METTL22: variants seen among roughly 807,000 people sequenced by gnomAD.
METTL22 encodes methyltransferase 22, Kin17 lysine.
METTL22 carries 51 observed loss-of-function variants against 48.4 expected under a neutral mutation model. The observed-to-expected ratio is 1.05, with a 90% CI of 0.84 to 1.33. The LOEUF (loss-of-function observed/expected upper bound fraction) is 1.33, where lower values mean the gene tolerates loss of function less well. Ranked by LOEUF, METTL22 falls within the 40% of genes most tolerant of loss-of-function variation. METTL22 has a pLI of 0.00. For missense variants in METTL22, 678 were observed against 526.9 expected, an observed-to-expected ratio of 1.29 and a Z score of -2.81; for synonymous variants, 255 against 214.1, an observed-to-expected ratio of 1.19 and a Z score of -1.67.
In METTL22 at chr16:8,642,410, T is replaced by C. The variant is rs1028583652; in HGVS notation, c.908-53T>C. ...GTGCGGATTGCTCTGAAAAGTCGAT[T>C]TCTGTAATATTTGCGTGTTTTCCTC... is the stretch of plus-strand genomic sequence containing the variant. On this transcript the variant is annotated intron_variant, in intron 8 of 10. Coordinates refer to ENST00000381920, the MANE Select transcript of METTL22 (RefSeq NM_024109.4). 5.8e-6 allele frequency: 9 copies of C among 1,554,770 alleles called. No homozygotes were observed. In the African/African-American group the frequency reaches 1.2e-4, roughly 21 times the overall value.
the METTL22 span, among the ~76,000 whole-genome samples, chr16:8,662,307 G>C: frequency 1.4e-5 from 2 of 145,586 alleles, no homozygotes; most frequent in East Asian, 4.0e-4. Flanking sequence ...CTTTCCATTG[G>C]AAACCCAGAG....
At chr16:8,633,147 G>A (rs910653399) in intron 3 of METTL22, among the ~76,000 whole-genome samples, 1 of 152,102 alleles carries the variant, frequency 6.6e-6, no homozygotes, top group Non-Finnish European at 1.5e-5. Context: ...GGGGTCTGTA[G>A]ACCACAGACA....
chr16:8,650,673 A>T (rs951942501), downstream of METTL22, among the ~76,000 whole-genome samples: 1 of 152,244 alleles, frequency 6.6e-6, no homozygotes, highest in Admixed American at 6.5e-5. Flanking sequence ...ATAATTACAC[A>T]TTCTGTGTAT....
At chr16:8,626,943 AT>A (rs1363682458) in intron 2 of METTL22, among the ~76,000 whole-genome samples, 1 of 150,880 alleles carries the variant, frequency 6.6e-6, no homozygotes, top group Non-Finnish European at 1.5e-5. Context: ...ATTTTTTTGT[AT>A]TTTTGGTAGA....
intron 3 of METTL22, chr16:8,632,217 C>G (rs1158670415): frequency 6.6e-6 from 1 of 152,220 alleles, no homozygotes; most frequent in African/African-American, 2.4e-5. Flanking sequence ...GCATCCGCTT[C>G]TTCCTTTGAT....
Position 8,628,763 on chromosome 16 carries a change from A to G in METTL22, c.167A>G (p.Gln56Arg). The change falls in exon 3 of 11, where the codon CAA becomes CGA. Residue 56 changes from glutamine to arginine, a missense_variant. Transcript: ENST00000381920. The part of the protein sequence containing the change: ...FLSQFKLLWS[Q>R]DSWTDSGAKG... ...TCCCAATTCAAGCTTCTATGGAGCCAAGACTCTTGGACAGATTCAGGAGCC... is the reference window on the plus strand; with the variant it reads ...TCCCAATTCAAGCTTCTATGGAGCCGAGACTCTTGGACAGATTCAGGAGCC... 3 of 1,614,050 alleles carry G rather than the reference A, an allele frequency of 1.9e-6. No individual in the cohort carries two copies. The highest frequency in any genetic ancestry group is 2.5e-6 in the Non-Finnish European group (3 of 1,179,872).
In METTL22 at chr16:8,627,680, C is replaced by G. The variant is rs76156130; in HGVS notation, c.134-1050C>G. Among the ~76,000 whole-genome samples, 624 of 152,226 alleles carry G rather than the reference C, an allele frequency of 4.1e-3. 5 individuals carry two copies. Among genetic ancestry groups the G allele is most frequent in the African/African-American group, 0.014 (596 of 41,518 alleles). On this transcript the variant is annotated intron_variant, in intron 2 of 10. Coordinates refer to ENST00000381920, the MANE Select transcript of METTL22 (RefSeq NM_024109.4). ...CCCAGTCATTAACGTGTTTTTACAG[C>G]TGTTTTTGTGCTATAACGGCAGAGT... is the stretch of plus-strand genomic sequence containing the variant.
chr16:8,639,836 G>C (rs1370060387), intron 6 of METTL22, among the ~76,000 whole-genome samples: 1 of 151,986 alleles, frequency 6.6e-6, no homozygotes, highest in African/African-American at 2.4e-5. Flanking sequence ...GTGGTTTACT[G>C]TTGCTTGTCT....
chr16:8,641,485 A>C, intron 7 of METTL22: 1 of 557,836 alleles, frequency 1.8e-6, no homozygotes, highest in Admixed American at 2.2e-5. Flanking sequence ...GGTACACAGC[A>C]GGGTAGGGGC....
chr16:8,643,088 C>T (rs1182905778), intron 9 of METTL22, among the ~76,000 whole-genome samples: 1 of 152,224 alleles, frequency 6.6e-6, no homozygotes, highest in Non-Finnish European at 1.5e-5. Flanking sequence ...TACACACATT[C>T]TCCTGTAATA....
Position 8,644,641 on chromosome 16 carries a change from C to CA in METTL22, c.1095_1096insA (p.Ala366SerfsTer54). On this transcript the variant is annotated frameshift_variant, in exon 10 of 11. Coordinates refer to ENST00000381920, the MANE Select transcript of METTL22 (RefSeq NM_024109.4). LOFTEE classifies it high-confidence loss of function. ...CCTGCCTGCACGCGCTGGAGCAGCT[C>CA]GCAGATGGCAAGCTGCGCTTCGTGG... 6.2e-7 allele frequency: 1 copy of CA among 1,607,508 alleles called. No individual in the cohort carries two copies. Among genetic ancestry groups the CA allele is most frequent in the South Asian group, 1.1e-5 (1 of 89,644 alleles).
chr16:8,641,829 G>C (rs895448407), intron 7 of METTL22: 3 of 520,716 alleles, frequency 5.8e-6, no homozygotes, highest in African/African-American at 1.9e-5. Context: ...CAGGCAGAAG[G>C]GGGAGATCAT....
At chr16:8,630,586 TC>T (rs1289515081) in intron 3 of METTL22, among the ~76,000 whole-genome samples, 4 of 152,026 alleles carry the variant, frequency 2.6e-5, no homozygotes, top group Non-Finnish European at 5.9e-5. Context: ...GTTATTAGCC[TC>T]CCCAAGCTGG....
In METTL22 at chr16:8,644,577, A is replaced by G. The variant is rs1436684002; in HGVS notation, c.1031A>G (p.His344Arg). ...TGCAGGCTCAACTTCACATTGAGAC[A>G]CTTGGACGTCACATGTGAAGCCTAC... ...VEKRLNFTLR[H>R]LDVTCEAYDH... The change falls in exon 10 of 11, where the codon CAC becomes CGC. Residue 344 changes from histidine (H) to arginine (R), a missense_variant. His to Arg is a conservative substitution (Grantham distance 29, BLOSUM62 0). Coordinates refer to ENST00000381920, the MANE Select transcript of METTL22 (RefSeq NM_024109.4). 3.2e-6 allele frequency: 5 copies of G among 1,574,556 alleles called. No homozygotes were observed. The highest frequency in any genetic ancestry group is 1.2e-5 in the South Asian group (1 of 86,740).
At chr16:8,663,255 C>A in the METTL22 span, among the ~76,000 whole-genome samples, 1 of 150,636 alleles carries the variant, frequency 6.6e-6, no homozygotes, top group East Asian at 2.0e-4. Flanking sequence ...TCATCATCTC[C>A]CTATTATTAT....
At chr16:8,652,187 G>A (rs1437604324), downstream of METTL22, among the ~76,000 whole-genome samples, 8 of 152,024 alleles carry the variant, frequency 5.3e-5, no homozygotes, top group African/African-American at 1.7e-4. Flanking sequence ...GGCCGGGCGC[G>A]GTGGCTCAAG....
Position 8,629,081 on chromosome 16 carries a change from A to G in METTL22, c.485A>G (p.Gln162Arg), listed in dbSNP as rs2056165004. ...EEDDVLGEEA[Q>R]GSPHDIIRIE... ...GACGACGTCCTGGGAGAGGAAGCAC[A>G]AGGCAGCCCGCACGATATCATCAGA... Residue 162 changes from glutamine to arginine, a missense_variant, in exon 3 of 11, where the codon CAA becomes CGA. Coordinates refer to ENST00000381920, the MANE Select transcript of METTL22 (RefSeq NM_024109.4). The G allele has an allele frequency of 1.9e-6, 3 of 1,613,512 alleles. No individual in the cohort carries two copies. Among genetic ancestry groups the G allele is most frequent in the African/African-American group, 1.3e-5 (1 of 74,926 alleles).
At position 8,647,698 on chromosome 16, in the gene METTL22, G is replaced by A. The variant is rs1266218294; in HGVS notation, c.*1555G>A. The A allele has an allele frequency of 6.6e-6, 1 of 152,268 alleles. No homozygotes were observed. Among genetic ancestry groups the A allele is most frequent in the Non-Finnish European group, 1.5e-5 (1 of 68,070 alleles). 9.4% of individuals were successfully genotyped at this position (152,268 alleles called of 1,614,324 possible). The stretch of plus-strand genomic sequence containing the variant: ...GAAGAAGAAAGCCAAGTACTTTAGA[G>A]AAGAAAAACGGTCTCAGCTGAACCT... On this transcript the variant is annotated 3_prime_UTR_variant, in exon 11 of 11. Coordinates refer to ENST00000381920, the MANE Select transcript of METTL22 (RefSeq NM_024109.4).
Position 8,644,587 on chromosome 16 carries a change from C to G in METTL22, c.1041C>G (p.Val347=). The change falls in exon 10 of 11, where the codon GTC becomes GTG. Residue 347 remains valine, a synonymous_variant. Coordinates refer to ENST00000381920, the MANE Select transcript of METTL22 (RefSeq NM_024109.4). ...ACTTCACATTGAGACACTTGGACGT[C>G]ACATGTGAAGCCTACGATCACTTCC... ...RLNFTLRHLD[V]TCEAYDHFRS... 1 of 1,582,414 alleles carries G rather than the reference C, an allele frequency of 6.3e-7. No homozygotes were observed. Among genetic ancestry groups the G allele is most frequent in the African/African-American group, 1.4e-5 (1 of 73,690 alleles).
Sources: allele counts gnomAD v4.1 joint callset (sites outside exome capture counted in the v4.1 genomes callset), GRCh38; gene constraint gnomAD v4.1.1; transcripts MANE v1.5; gene names NCBI Gene and HGNC (gene_info 2026-07-23, HGNC 2026-07-21).